The following ASMTL variants were observed in gnomAD, a reference collection of about 807,000 sequenced individuals.
The protein encoded by ASMTL is acetylserotonin O-methyltransferase like.
A neutral mutation model predicts 60.3 loss-of-function variants in ASMTL; 57 were observed. The observed-to-expected ratio is 0.95, with a 90% CI of 0.76 to 1.18. The LOEUF is 1.18. ASMTL is among the 50% of genes most tolerant of loss of function. ASMTL has a pLI of 0.00. For missense variants in ASMTL, 981 were observed against 852.6 expected, an observed-to-expected ratio of 1.15 and a Z score of -1.88; for synonymous variants, 419 against 373.0, an observed-to-expected ratio of 1.12 and a Z score of -1.42.
chrX:1,444,898 C>G (rs1490561335), intron 1 of ASMTL, among the ~76,000 whole-genome samples: 14 of 152,116 alleles, frequency 9.2e-5, no homozygotes, highest in African/African-American at 3.4e-4. Context: ...TTCTCAAAAC[C>G]CTCAGGTCTC....
intron 11 of ASMTL, among the ~76,000 whole-genome samples, chrX:1,415,693 T>C (rs1250259538): frequency 1.3e-5 from 2 of 152,098 alleles, no homozygotes; most frequent in Admixed American, 6.6e-5. Flanking sequence ...CTCGAACTCC[T>C]GACCACAGGG....
rs1484401899 is a variant in ASMTL at position 1,443,467 on chromosome X, A to ACCATCGTGGACACATGCCG, written c.94-1169_94-1151dup. On this transcript the variant is annotated intron_variant, in intron 1 of 12. Transcript: ENST00000381317. Reference sequence around the variant, plus strand: ...GACACCGCCATCTTGGACACACACCACCATCGTGGACACATGCCGCCATCT... The same window carrying ACCATCGTGGACACATGCCG: ...GACACCGCCATCTTGGACACACACCACCATCGTGGACACATGCCGCCATCGTGGACACATGCCGCCATCT... 1.7e-3 allele frequency among the ~76,000 whole-genome samples: 237 copies of ACCATCGTGGACACATGCCG among 140,056 alleles called. 4 individuals carry two copies. The highest frequency in any genetic ancestry group is 6.8e-3 in the African/African-American group (223 of 32,832). 91.9% of individuals were successfully genotyped at this position (140,056 alleles called of 152,430 possible). A position where few individuals can be genotyped will look rare whatever the true frequency, so the allele number is the denominator to read the frequency against.
intron 11 of ASMTL, among the ~76,000 whole-genome samples, chrX:1,415,360 C>T (rs1223529689): frequency 1.3e-4 from 20 of 152,308 alleles, no homozygotes; most frequent in African/African-American, 4.1e-4. Flanking sequence ...GAATGCTGAT[C>T]TCGGCTGTTC....
intron 5 of ASMTL, among the ~76,000 whole-genome samples, chrX:1,434,489 C>A (rs866748721): frequency 1.3e-3 from 151 of 113,806 alleles, no homozygotes; most frequent in East Asian, 1.6e-3. Context: ...GACCCTGTCT[C>A]AAAAAAAAAA....
At chrX:1,422,835 G>A (rs1254350846) in intron 8 of ASMTL, among the ~76,000 whole-genome samples, 5 of 152,162 alleles carry the variant, frequency 3.3e-5, no homozygotes, top group Non-Finnish European at 5.9e-5. Context: ...CTCTGCAGAC[G>A]TGGAACTGCT....
chrX:1,404,762 C>T (rs1368359181), intron 12 of ASMTL, among the ~76,000 whole-genome samples: 4 of 119,682 alleles, frequency 3.3e-5, no homozygotes, highest in Non-Finnish European at 5.2e-5. Context: ...ACATGATGGA[C>T]AGGTAGATAG....
intron 8 of ASMTL, among the ~76,000 whole-genome samples, chrX:1,425,066 A>G (rs1258200691): frequency 6.6e-6 from 1 of 150,506 alleles, no homozygotes; most frequent in African/African-American, 2.4e-5. Context: ...CCATCTATCC[A>G]TCCATCCATT....
At chrX:1,420,387 G>C (rs1193201638) in intron 9 of ASMTL, among the ~76,000 whole-genome samples, 3 of 105,562 alleles carry the variant, frequency 2.8e-5, no homozygotes, top group Admixed American at 8.7e-5. Flanking sequence ...CTCTCTCTCT[G>C]TGTCTCCCTG....
chrX:1,438,878 C>T lies in ASMTL; in HGVS notation c.273+219G>A, dbSNP rs1337873851. ...ATGACCTAAGGTGATCCGCCCACCT[C>T]GGCCTCCCAAAATGCTGGGATGACA... On this transcript the variant is annotated intron_variant, in intron 3 of 12. Transcript: ENST00000381317. 6.6e-5 allele frequency among the ~76,000 whole-genome samples: 10 copies of T among 152,264 alleles called. 1 individual carries two copies. Among genetic ancestry groups the T allele is most frequent in the African/African-American group, 1.7e-4 (7 of 41,550 alleles).
intron 9 of ASMTL, among the ~76,000 whole-genome samples, chrX:1,420,843 G>A (rs1322821150): frequency 6.6e-6 from 1 of 152,156 alleles, no homozygotes; most frequent in Non-Finnish European, 1.5e-5. Context: ...ACCCGGGCTG[G>A]AGTGCAGCAG....
At chrX:1,452,270 C>G (rs1342707358) in intron 1 of ASMTL, among the ~76,000 whole-genome samples, 1 of 149,256 alleles carries the variant, frequency 6.7e-6, no homozygotes, top group East Asian at 2.0e-4. Context: ...GTTACTCCCC[C>G]ACCCCCATCC....
At chrX:1,403,646 GAGAC>G in intron 12 of ASMTL, 157 bp from the exon 13 acceptor site, 2 of 640,384 alleles carry the variant, frequency 3.1e-6, no homozygotes, top group Non-Finnish European at 5.5e-6. Context: ...GGAGGGGAGA[GAGAC>G]AGAGACTTGA....
At chrX:1,441,294 G>T (rs868373854) in intron 2 of ASMTL, among the ~76,000 whole-genome samples, 31 of 151,784 alleles carry the variant, frequency 2.0e-4, no homozygotes, top group Middle Eastern at 3.4e-3. Flanking sequence ...TTTATTTTTT[G>T]GAGACGAAGT....
At position 1,421,706 on chromosome X, in the gene ASMTL, T is replaced by G; in HGVS notation, c.1197A>C (p.Thr399=). 1.2e-6 allele frequency: 2 copies of G among 1,613,938 alleles called. No homozygotes were observed. The highest frequency in any genetic ancestry group is 1.7e-6 in the Non-Finnish European group (2 of 1,179,846). ...TCCCCAACGCCCTGTGGTGCTGGTT[T>G]GTTCCCTCTCGGATGGCAAACTCCA... The part of the protein sequence containing the change: ...TYLEFAIREG[T]NQHHRALGKK... The change falls in exon 9 of 13, where the codon ACA becomes ACC. Residue 399 remains threonine (T), a synonymous_variant. Transcript: ENST00000381317.
At chrX:1,407,240 GTAGA>G (rs1410415859) in intron 12 of ASMTL, among the ~76,000 whole-genome samples, 141 of 147,418 alleles carry the variant, frequency 9.6e-4, no homozygotes, top group African/African-American at 3.1e-3. Flanking sequence ...GGGTAGGTAG[GTAGA>G]TGGATGGATG....
In ASMTL at chrX:1,428,957, C is replaced by T. The variant is rs113018190; in HGVS notation, c.510-836G>A. Among the ~76,000 whole-genome samples the T allele has an allele frequency of 7.7e-3, 1,163 of 151,024 alleles. 18 individuals carry two copies. Among genetic ancestry groups the T allele is most frequent in the African/African-American group, 0.027 (1,113 of 41,064 alleles). On this transcript the variant is annotated intron_variant, in intron 6 of 12. Coordinates refer to ENST00000381317, the MANE Select transcript of ASMTL (RefSeq NM_004192.4). The stretch of plus-strand genomic sequence containing the variant: ...TGTCGCCCAGGCTGGAGTGCAGTGG[C>T]GCGATCTCGGCTCCCTGCAACCTCC...
At chrX:1,418,726 G>T (rs1422824238) in intron 10 of ASMTL, among the ~76,000 whole-genome samples, 1 of 152,108 alleles carries the variant, frequency 6.6e-6, no homozygotes, top group African/African-American at 2.4e-5. Flanking sequence ...GGAATCCAGG[G>T]GTTCCAAGGT....
chrX:1,429,141 T>C (rs1195081735), intron 6 of ASMTL, among the ~76,000 whole-genome samples: 2 of 151,228 alleles, frequency 1.3e-5, no homozygotes, highest in African/African-American at 2.4e-5. Flanking sequence ...GTGATGCGCC[T>C]GCCTCGGCCC....
chrX:1,452,285 G>C (rs1279535974), intron 1 of ASMTL, among the ~76,000 whole-genome samples: 3 of 134,050 alleles, frequency 2.2e-5, no homozygotes, highest in Non-Finnish European at 4.8e-5. Flanking sequence ...CCATCCCTAG[G>C]GGGGGTCTCG....
Sources: gnomAD v4.1 joint callset for allele counts (sites outside exome capture counted in the v4.1 genomes callset) on GRCh38, gnomAD v4.1.1 for gene constraint, MANE v1.5 for transcripts, NCBI Gene and HGNC (gene_info 2026-07-23, HGNC 2026-07-21) for gene names.